FAM50B: variants seen among roughly 807,000 people sequenced by gnomAD.
FAM50B encodes the protein protein FAM50B.
In FAM50B, 9 loss-of-function variants were observed where a neutral mutation model predicts 25.4. The observed-to-expected ratio is 0.35, with a 90% CI of 0.21 to 0.62. FAM50B has a LOEUF of 0.62. Among genes scored for constraint, FAM50B ranks in the 20% least tolerant of loss-of-function variants. FAM50B has a pLI of 0.73. For missense variants in FAM50B, 372 were observed against 477.9 expected, an observed-to-expected ratio of 0.78 and a Z score of 2.07; for synonymous variants, 212 against 204.3, an observed-to-expected ratio of 1.04 and a Z score of -0.32.
the FAM50B span, among the ~76,000 whole-genome samples, chr6:3,844,045 A>G: frequency 6.6e-6 from 1 of 152,250 alleles, no homozygotes; most frequent in African/African-American, 2.4e-5. Context: ...TTAAAATAGA[A>G]TTCAGACTGG....
At chr6:3,833,657 A>C in the FAM50B span, 8 of 152,368 alleles carry the variant, frequency 5.3e-5, no homozygotes, top group East Asian at 1.5e-3. Context: ...AAAAAGCAAG[A>C]AGAAATTTAT....
the FAM50B span, among the ~76,000 whole-genome samples, chr6:3,834,731 AAT>A: frequency 1.3e-5 from 2 of 152,196 alleles, no homozygotes; most frequent in Admixed American, 1.3e-4. Context: ...AAACTGGTAA[AAT>A]ATATTTTGAT....
the FAM50B span, among the ~76,000 whole-genome samples, chr6:3,841,978 C>G: frequency 6.6e-6 from 1 of 152,248 alleles, no homozygotes; most frequent in Non-Finnish European, 1.5e-5. Context: ...GTGGCCATCC[C>G]TGAGCCCAGT....
the FAM50B span, among the ~76,000 whole-genome samples, chr6:3,834,359 CAA>C: frequency 8.7e-4 from 65 of 75,010 alleles, no homozygotes; most frequent in South Asian, 1.3e-3. Flanking sequence ...TGATATATGG[CAA>C]AAAAAAAAAA....
upstream of FAM50B, among the ~76,000 whole-genome samples, chr6:3,845,738 T>G (rs1164464372): frequency 6.6e-6 from 1 of 152,044 alleles, no homozygotes; most frequent in Non-Finnish European, 1.5e-5. Context: ...TTTTTTTAGA[T>G]GAAGTCTTTC....
At chr6:3,833,310 T>C in the FAM50B span, among the ~76,000 whole-genome samples, 3 of 152,212 alleles carry the variant, frequency 2.0e-5, no homozygotes, top group African/African-American at 4.8e-5. Context: ...CGCTACCAAC[T>C]AGATGAGTGA....
chr6:3,839,205 C>T, the FAM50B span, among the ~76,000 whole-genome samples: 5,943 of 151,654 alleles, frequency 0.039, 374 homozygotes, highest in African/African-American at 0.13. Context: ...CTGGTATGTG[C>T]AGAGGTCACA....
chr6:3,838,777 G>A, the FAM50B span, among the ~76,000 whole-genome samples: 1 of 147,182 alleles, frequency 6.8e-6, no homozygotes, highest in Non-Finnish European at 1.5e-5. Context: ...GGAGACAGAG[G>A]TTGCAGTGAG....
chr6:3,840,589 C>G, the FAM50B span, among the ~76,000 whole-genome samples: 1 of 152,188 alleles, frequency 6.6e-6, no homozygotes, highest in Non-Finnish European at 1.5e-5. Flanking sequence ...CGAACGGAGC[C>G]GAGCACCACT....
chr6:3,842,884 G>A, the FAM50B span, among the ~76,000 whole-genome samples: 1 of 152,136 alleles, frequency 6.6e-6, no homozygotes, highest in Non-Finnish European at 1.5e-5. Flanking sequence ...TTATCTGCAG[G>A]GATTGAGATG....
chr6:3,837,372 T>C, the FAM50B span, among the ~76,000 whole-genome samples: 1 of 152,050 alleles, frequency 6.6e-6, no homozygotes, highest in East Asian at 1.9e-4. Context: ...CAAAACTCAA[T>C]AGTAAGAAAA....
chr6:3,839,381 G>A, the FAM50B span, among the ~76,000 whole-genome samples: 1 of 152,114 alleles, frequency 6.6e-6, no homozygotes, highest in Non-Finnish European at 1.5e-5. Flanking sequence ...TCTCCCACTA[G>A]GTTCTTCCTC....
At position 3,849,800 on chromosome 6, in the gene FAM50B, T is replaced by C. The variant is rs764208807; in HGVS notation, c.-12T>C. The C allele has an allele frequency of 8.8e-6, 14 of 1,592,680 alleles. No individual in the cohort carries two copies. In the South Asian group the frequency reaches 1.4e-4, roughly 16 times the overall value. On this transcript the variant is annotated 5_prime_UTR_variant, in exon 2 of 2. Transcript: ENST00000648326. The stretch of plus-strand genomic sequence containing the variant: ...CCTCTTTGCTGCAGAGCCCATCGGG[T>C]AGGCGCGGGCCATGGCGCAGTACAA...
the FAM50B span, among the ~76,000 whole-genome samples, chr6:3,840,154 A>G: frequency 2.0e-5 from 3 of 152,024 alleles, no homozygotes; most frequent in East Asian, 5.9e-4. Context: ...CACCATGCCC[A>G]ACTAATTTTT....
upstream of FAM50B, among the ~76,000 whole-genome samples, chr6:3,845,444 T>C (rs1029433631): frequency 6.6e-6 from 1 of 152,186 alleles, no homozygotes; most frequent in African/African-American, 2.4e-5. Flanking sequence ...GGCCAAACGA[T>C]AGTCGATTGA....
chr6:3,835,877 T>C, the FAM50B span, among the ~76,000 whole-genome samples: 1 of 152,196 alleles, frequency 6.6e-6, no homozygotes, highest in African/African-American at 2.4e-5. Flanking sequence ...CTGCATGCCA[T>C]GTCTTTGGGT....
chr6:3,843,958 A>G, the FAM50B span, among the ~76,000 whole-genome samples: 2 of 152,188 alleles, frequency 1.3e-5, no homozygotes, highest in Admixed American at 1.3e-4. Context: ...CACCCAGGCC[A>G]GGCCCACCAT....
At chr6:3,845,609 G>T (rs958822700), upstream of FAM50B, among the ~76,000 whole-genome samples, 2 of 152,110 alleles carry the variant, frequency 1.3e-5, no homozygotes, top group East Asian at 3.8e-4. Flanking sequence ...GGTGATGGTG[G>T]GTGCTCCAGG....
chr6:3,840,387 C>A, the FAM50B span, among the ~76,000 whole-genome samples: 1 of 151,616 alleles, frequency 6.6e-6, no homozygotes, highest in South Asian at 2.1e-4. Flanking sequence ...GCAGGAAAAT[C>A]GCTTGAACCT....
Sources: gnomAD v4.1 joint callset for allele counts (sites outside exome capture counted in the v4.1 genomes callset) on GRCh38, gnomAD v4.1.1 for gene constraint, MANE v1.5 for transcripts, NCBI Gene and HGNC (gene_info 2026-07-23, HGNC 2026-07-21) for gene names.